The following CBR4 variants were observed in gnomAD, a reference collection of about 807,000 sequenced individuals.
CBR4 encodes the protein 3-oxoacyl-[acyl-carrier-protein] reductase.
CBR4 carries 22 observed loss-of-function variants against 21.0 expected under a neutral mutation model. That is an observed-to-expected ratio of 1.05 (90% CI 0.75 to 1.50). The LOEUF is 1.50. Among genes scored for constraint, CBR4 ranks in the 40% most tolerant of loss-of-function variants. The pLI, the probability that CBR4 is intolerant of heterozygous loss-of-function variation, is 0.00. For synonymous variants in CBR4, 100 were observed against 104.4 expected, an observed-to-expected ratio of 0.96 and a Z score of 0.26; for missense variants, 302 against 286.3, an observed-to-expected ratio of 1.05 and a Z score of -0.40.
At chr4:168,951,405 A>T (rs1763537453) in intron 2 of CBR4, among the ~76,000 whole-genome samples, 1 of 152,198 alleles carries the variant, frequency 6.6e-6, no homozygotes, top group African/African-American at 2.4e-5. Context: ...ATTCAATGTT[A>T]GTACTGAGAT....
intron 1 of CBR4, 27 bp downstream of exon 1, chr4:169,009,921 A>T: frequency 1.2e-6 from 2 of 1,600,694 alleles, no homozygotes; most frequent in Non-Finnish European, 1.7e-6. Context: ...CGGCCATACA[A>T]CTGGACAACT....
At chr4:168,998,206 G>A (rs1341984960) in intron 4 of CBR4, among the ~76,000 whole-genome samples, 2 of 152,144 alleles carry the variant, frequency 1.3e-5, no homozygotes, top group Non-Finnish European at 2.9e-5. Flanking sequence ...ACATACCTCT[G>A]AAGCCTTTGC....
At chr4:168,998,990 CA>C (rs1383212427) in intron 4 of CBR4, among the ~76,000 whole-genome samples, 1 of 152,080 alleles carries the variant, frequency 6.6e-6, no homozygotes, top group African/African-American at 2.4e-5. Flanking sequence ...ATTATCTATT[CA>C]AAACACATAT....
chr4:168,896,676 GTTTC>G, intron 2 of CBR4: 1 of 800,800 alleles, frequency 1.2e-6, no homozygotes, highest in South Asian at 1.6e-5. Flanking sequence ...TTTTACGTGT[GTTTC>G]TATCTTTTCT....
intron 2 of CBR4, among the ~76,000 whole-genome samples, chr4:168,913,385 C>T (rs1246618611): frequency 2.6e-5 from 4 of 152,070 alleles, no homozygotes; most frequent in South Asian, 2.1e-4. Context: ...GATCCACCTG[C>T]GTCAGCCTCC....
At chr4:168,996,148 T>C (rs991455525) in intron 4 of CBR4, among the ~76,000 whole-genome samples, 2 of 152,192 alleles carry the variant, frequency 1.3e-5, no homozygotes, top group East Asian at 1.9e-4. Flanking sequence ...AGGGGACAGC[T>C]GCTAGCCATC....
chr4:168,926,270 G>A (rs1449112727), intron 2 of CBR4: 2 of 1,537,002 alleles, frequency 1.3e-6, no homozygotes, highest in Non-Finnish European at 1.7e-6. Flanking sequence ...CCCTCAGCCA[G>A]TCGCTATGCA....
chr4:168,990,413 G>T, intron 4 of CBR4, 85 bp from the exon 5 acceptor site: 1 of 1,253,522 alleles, frequency 8.0e-7, no homozygotes, highest in Non-Finnish European at 1.0e-6. Flanking sequence ...ATTTGTTTCT[G>T]AAAATTTTAA....
chr4:168,945,984 A>G (rs1429383829), intron 2 of CBR4, among the ~76,000 whole-genome samples: 1 of 152,178 alleles, frequency 6.6e-6, no homozygotes, highest in African/African-American at 2.4e-5. Context: ...GAATTCCTAA[A>G]AGACAATAAA....
intron 2 of CBR4, among the ~76,000 whole-genome samples, chr4:168,936,973 C>A (rs1264491716): frequency 6.6e-6 from 1 of 152,112 alleles, no homozygotes; most frequent in African/African-American, 2.4e-5. Flanking sequence ...CCCCAAGATT[C>A]ATAATCATCA....
Position 168,934,273 on chromosome 4 carries a change from C to CAA in CBR4, n.170-39510_170-39509dup, listed in dbSNP as rs1206272373. 6.4e-3 allele frequency among the ~76,000 whole-genome samples: 68 copies of CAA among 10,644 alleles called. 2 individuals carry two copies. The highest frequency in any genetic ancestry group is 0.018 in the East Asian group (3 of 166). The allele number at this position is 10,644 out of a possible 152,430, so 7.0% of individuals were successfully genotyped here. On this transcript the variant is annotated intron_variant and non_coding_transcript_variant, in intron 2 of 3. Coordinates refer to the CBR4 transcript ENST00000509108. ...CAAGTTTTAAAAGAAACTAGAAAAG[C>CAA]AAAAAAAACAAAAAAAAAAAAAAAA...
intron 2 of CBR4, chr4:168,926,961 A>AAAAG (rs1483137560): frequency 2.3e-5 from 5 of 219,988 alleles, no homozygotes; most frequent in East Asian, 6.8e-5. Flanking sequence ...TGTTAATATC[A>AAAAG]AAAGAGTTTT....
chr4:168,898,849 T>C, intron 2 of CBR4: 1 of 725,804 alleles, frequency 1.4e-6, no homozygotes, highest in South Asian at 1.6e-5. Flanking sequence ...GTTTTAAATA[T>C]TCTTAAGTTC....
chr4:168,964,931 C>T (rs1763974721), intron 2 of CBR4, among the ~76,000 whole-genome samples: 1 of 152,152 alleles, frequency 6.6e-6, no homozygotes, highest in South Asian at 2.1e-4. Flanking sequence ...CAGTTTGGGA[C>T]ATGTTTTTTG....
intron 3 of CBR4, among the ~76,000 whole-genome samples, chr4:169,004,161 A>G (rs1730700163): frequency 6.6e-6 from 1 of 152,264 alleles, no homozygotes; most frequent in Non-Finnish European, 1.5e-5. Context: ...GTCAGCAGCC[A>G]TAAACATCAA....
downstream of CBR4, among the ~76,000 whole-genome samples, chr4:168,983,155 T>G (rs1478192415): frequency 6.6e-6 from 1 of 152,020 alleles, no homozygotes; most frequent in East Asian, 1.9e-4. Context: ...TAAATAAGAT[T>G]GATAGACTGC....
chr4:168,980,049 C>T (rs1764496352), intron 2 of CBR4, among the ~76,000 whole-genome samples: 1 of 152,102 alleles, frequency 6.6e-6, no homozygotes, highest in Non-Finnish European at 1.5e-5. Context: ...TGGACAATGG[C>T]TATGTATATC....
intron 2 of CBR4, among the ~76,000 whole-genome samples, chr4:168,964,050 T>A (rs1763944695): frequency 6.6e-6 from 1 of 152,122 alleles, no homozygotes; most frequent in Admixed American, 6.5e-5. Flanking sequence ...TAGTAACCCA[T>A]CAAGCTAAAT....
chr4:168,937,205 C>T (rs550385265), intron 2 of CBR4, among the ~76,000 whole-genome samples: 1 of 152,218 alleles, frequency 6.6e-6, no homozygotes, highest in South Asian at 2.1e-4. Context: ...CATATCCAAC[C>T]AAACTAAGCT....
Sources: gnomAD v4.1 joint callset for allele counts (sites outside exome capture counted in the v4.1 genomes callset) on GRCh38, gnomAD v4.1.1 for gene constraint, MANE v1.5 for transcripts, NCBI Gene and HGNC (gene_info 2026-07-23, HGNC 2026-07-21) for gene names.